Variants in CNOT10 observed in about 807,000 individuals in gnomAD.
CNOT10 encodes CCR4-NOT transcription complex, subunit 10.
Under a neutral mutation model 94.6 loss-of-function variants are expected in CNOT10, and 30 were observed. The ratio of observed to expected loss-of-function variants is 0.32; its 90% CI spans 0.24 to 0.43. The LOEUF is 0.43. Among genes scored for constraint, CNOT10 ranks in the 20% least tolerant of loss-of-function variants. The pLI is 1.00. For missense variants in CNOT10, 759 were observed against 877.2 expected (o/e 0.87, Z 1.70); for synonymous variants, 289 against 301.6 (o/e 0.96, Z 0.43).
intron 1 of CNOT10, among the ~76,000 whole-genome samples, chr3:32,690,838 C>T (rs927154915): frequency 1.8e-4 from 27 of 151,894 alleles, no homozygotes; most frequent in Non-Finnish European, 2.9e-4. Flanking sequence ...TGAGCCACCG[C>T]GCCCAGACTT....
In CNOT10 at chr3:32,764,306, C is replaced by A. The variant is rs1575311197; in HGVS notation, c.1841-149C>A. The A allele has an allele frequency of 4.1e-6, 3 of 723,284 alleles. No homozygotes were observed. The South Asian group carries it at 5.8e-5, about 14-fold the overall frequency. 44.8% of individuals were successfully genotyped at this position (723,284 alleles called of 1,614,324 possible). ...GAGCCGAGATCATGCCCCTGCACTCCAGCCTGGGCAACAGAGCGAGGCTCC... is the reference window on the plus strand; with the variant it reads ...GAGCCGAGATCATGCCCCTGCACTCAAGCCTGGGCAACAGAGCGAGGCTCC... On this transcript the variant is annotated intron_variant, in intron 15 of 18. Transcript: ENST00000328834.
chr3:32,731,295 C>G (rs1223911380), intron 10 of CNOT10, among the ~76,000 whole-genome samples: 1 of 152,084 alleles, frequency 6.6e-6, no homozygotes, highest in African/African-American at 2.4e-5. Flanking sequence ...AAGTTACATT[C>G]AGGAGCAATA....
intron 1 of CNOT10, among the ~76,000 whole-genome samples, chr3:32,702,659 C>G (rs950425597): frequency 6.6e-6 from 1 of 152,076 alleles, no homozygotes; most frequent in African/African-American, 2.4e-5. Flanking sequence ...TTAAAGCCAT[C>G]GTAGGTGTGT....
At chr3:32,696,823 C>T (rs1340369923) in intron 1 of CNOT10, among the ~76,000 whole-genome samples, 1 of 152,174 alleles carries the variant, frequency 6.6e-6, no homozygotes, top group East Asian at 1.9e-4. Flanking sequence ...CAAGATCCAC[C>T]CTCCTCAGCC....
intron 8 of CNOT10, among the ~76,000 whole-genome samples, chr3:32,721,917 G>A (rs1393493178): frequency 3.9e-5 from 6 of 151,972 alleles, no homozygotes. Context: ...CTCCCAAAGT[G>A]CTGGGATTAC....
At chr3:32,741,799 T>C (rs1229794118) in intron 13 of CNOT10, among the ~76,000 whole-genome samples, 1 of 148,106 alleles carries the variant, frequency 6.8e-6, no homozygotes, top group Non-Finnish European at 1.5e-5. Context: ...GAAAAGAAAC[T>C]GCCAAACTCT....
At chr3:32,721,647 CTTTTT>C (rs746767255) in intron 8 of CNOT10, among the ~76,000 whole-genome samples, 2 of 131,594 alleles carry the variant, frequency 1.5e-5, no homozygotes, top group Non-Finnish European at 1.6e-5. Context: ...ATTACATATT[CTTTTT>C]TTTTTTTTTT....
intron 8 of CNOT10, among the ~76,000 whole-genome samples, chr3:32,723,754 A>G (rs578108009): frequency 1.3e-5 from 2 of 152,302 alleles, no homozygotes; most frequent in African/African-American, 4.8e-5. Flanking sequence ...TAAAACAACT[A>G]GTAACCAACA....
intron 8 of CNOT10, among the ~76,000 whole-genome samples, chr3:32,720,693 C>T (rs1395783427): frequency 6.6e-6 from 1 of 151,804 alleles, no homozygotes; most frequent in Non-Finnish European, 1.5e-5. Flanking sequence ...TTATGTTGCC[C>T]AAGCTGGTCT....
chr3:32,730,925 C>G (rs1698913544), intron 10 of CNOT10: 1 of 152,168 alleles, frequency 6.6e-6, no homozygotes, highest in Admixed American at 6.6e-5. Context: ...CACTTTCTGG[C>G]TATCGGTGCT....
chr3:32,707,488 T>C (rs562422545), intron 3 of CNOT10, among the ~76,000 whole-genome samples: 21 of 152,306 alleles, frequency 1.4e-4, no homozygotes, highest in Admixed American at 3.3e-4. Context: ...GGTTTCCTTA[T>C]GTATAAAGTG....
At chr3:32,743,914 A>C (rs773891193) in intron 13 of CNOT10, among the ~76,000 whole-genome samples, 3 of 152,166 alleles carry the variant, frequency 2.0e-5, no homozygotes, top group Non-Finnish European at 2.9e-5. Context: ...GTCATCATAA[A>C]GTGAGGCAAG....
In CNOT10 at chr3:32,738,684, G is replaced by T. The variant is rs77820578; in HGVS notation, c.1595+1194G>T. ...TCACCGTGTTAGCCAGGATGGTCTC[G>T]ATCTCCTGACGTCGTGATCCACCCA... On this transcript the variant is annotated intron_variant, in intron 13 of 18. Transcript: ENST00000328834. Among the ~76,000 whole-genome samples the T allele has an allele frequency of 2.0e-5, 3 of 151,924 alleles. No individual in the cohort carries two copies. In the East Asian group the frequency reaches 5.8e-4, roughly 29 times the overall value.
intron 14 of CNOT10, 149 bp downstream of exon 14, chr3:32,759,720 G>T (rs1033964569): frequency 1.1e-5 from 7 of 660,826 alleles, no homozygotes; most frequent in Non-Finnish European, 1.8e-5. Flanking sequence ...TTTAACCCAT[G>T]CCTCGGCAGT....
intron 17 of CNOT10, among the ~76,000 whole-genome samples, chr3:32,766,806 T>A (rs1447404396): frequency 6.6e-6 from 1 of 152,160 alleles, no homozygotes; most frequent in African/African-American, 2.4e-5. Context: ...TTGGATCTCT[T>A]TAGTAGGTCA....
At chr3:32,735,674 T>C in intron 12 of CNOT10, among the ~76,000 whole-genome samples, 1 of 152,262 alleles carries the variant, frequency 6.6e-6, no homozygotes, top group Admixed American at 6.5e-5. Flanking sequence ...GCCACTGCAC[T>C]CCATCCAGCC....
At chr3:32,756,480 A>G (rs1249813682) in intron 13 of CNOT10, among the ~76,000 whole-genome samples, 2 of 152,114 alleles carry the variant, frequency 1.3e-5, no homozygotes, top group Admixed American at 6.5e-5. Flanking sequence ...TAGCCCACCT[A>G]CTGTCGGGAG....
intron 1 of CNOT10, among the ~76,000 whole-genome samples, chr3:32,689,307 C>A (rs1440802414): frequency 1.3e-5 from 2 of 149,240 alleles, no homozygotes; most frequent in East Asian, 3.9e-4. Flanking sequence ...GAGCCAAGAT[C>A]GTGCCATTGC....
At position 32,769,877 on chromosome 3, in the gene CNOT10, T is replaced by C; in HGVS notation, c.2005-10T>C. 6.2e-7 allele frequency: 1 copy of C among 1,612,900 alleles called. No individual in the cohort carries two copies. The highest frequency in any genetic ancestry group is 1.1e-5 in the South Asian group (1 of 91,062). ...GTTTTTTCACGGGCATCTTTCTGTT[T>C]TGAGCAAAGGCGGCTTCAATGATCC... On this transcript the variant is annotated splice_polypyrimidine_tract_variant and intron_variant, in intron 17 of 18. Transcript: ENST00000328834.
Sources: gnomAD v4.1 joint callset for allele counts (sites outside exome capture counted in the v4.1 genomes callset) on GRCh38, gnomAD v4.1.1 for gene constraint, MANE v1.5 for transcripts, NCBI Gene and HGNC (gene_info 2026-07-23, HGNC 2026-07-21) for gene names.